The following CACNA1C variants were observed in gnomAD, a reference collection of about 807,000 sequenced individuals.
CACNA1C encodes the protein voltage-dependent L-type calcium channel subunit alpha-1C.
A neutral mutation model predicts 229.0 loss-of-function variants in CACNA1C; 30 were observed. The ratio of observed to expected loss-of-function variants is 0.13; its 90% CI spans 0.10 to 0.18. The LOEUF (loss-of-function observed/expected upper bound fraction) is 0.18. Ranked by LOEUF, CACNA1C falls within the 10% of genes least tolerant of loss-of-function variation. CACNA1C has a pLI of 1.00. For synonymous variants in CACNA1C, 1,114 were observed against 1,132.5 expected (o/e 0.98, Z 0.33); for missense variants, 1,658 against 2,845.0 (o/e 0.58, Z 9.49).
intron 3 of CACNA1C, among the ~76,000 whole-genome samples, chr12:2,196,104 A>G (rs1175798670): frequency 6.6e-6 from 1 of 152,224 alleles, no homozygotes; most frequent in Non-Finnish European, 1.5e-5. Context: ...CTTCTGCTTT[A>G]GAGATTATGA....
Position 2,182,703 on chromosome 12 carries a change from G to A in CACNA1C, c.477+62273G>A, listed in dbSNP as rs759624545. Among the ~76,000 whole-genome samples the A allele has an allele frequency of 2.0e-5, 3 of 152,162 alleles. No homozygotes were observed. In the East Asian group the frequency reaches 5.8e-4, roughly 29 times the overall value. The stretch of plus-strand genomic sequence containing the variant: ...GTGTGCTAGGGACTGTGTACTGCAA[G>A]GTGACTGGGATGTGCGCCTGAGCAT... On this transcript the variant is annotated intron_variant, in intron 3 of 46. Transcript: ENST00000399655.
chr12:2,188,491 A>AT (rs926158945), intron 3 of CACNA1C, among the ~76,000 whole-genome samples: 3 of 151,494 alleles, frequency 2.0e-5, no homozygotes, highest in Admixed American at 6.6e-5. Context: ...TGATTTTCAC[A>AT]TTTTTTTTCA....
At chr12:2,112,262 C>G (rs1196715909) in intron 1 of CACNA1C, among the ~76,000 whole-genome samples, 1 of 152,182 alleles carries the variant, frequency 6.6e-6, no homozygotes, top group Non-Finnish European at 1.5e-5. Context: ...TTCATTAATT[C>G]CAATGCACTC....
intron 12 of CACNA1C, among the ~76,000 whole-genome samples, chr12:2,567,198 G>T (rs572371188): frequency 1.3e-5 from 2 of 152,318 alleles, no homozygotes; most frequent in Middle Eastern, 3.4e-3. Flanking sequence ...GTCAGACTCA[G>T]ACAGTGCGGC....
chr12:2,173,012 T>G (rs1450750400), intron 3 of CACNA1C, among the ~76,000 whole-genome samples: 2 of 152,118 alleles, frequency 1.3e-5, no homozygotes, highest in Admixed American at 1.3e-4. Flanking sequence ...CTGGCGTCTG[T>G]CCAGGAGAGA....
At chr12:2,199,359 A>G (rs994627931) in intron 3 of CACNA1C, among the ~76,000 whole-genome samples, 1 of 151,948 alleles carries the variant, frequency 6.6e-6, no homozygotes, top group Non-Finnish European at 1.5e-5. Flanking sequence ...TCCTCAGTCT[A>G]CTCAATGTGA....
At chr12:2,050,088 A>G (rs924831444), upstream of CACNA1C, among the ~76,000 whole-genome samples, 4 of 152,172 alleles carry the variant, frequency 2.6e-5, no homozygotes, top group Admixed American at 1.3e-4. Context: ...CCCCTAACAC[A>G]CATACACTCT....
intron 3 of CACNA1C, among the ~76,000 whole-genome samples, chr12:2,187,283 C>G (rs1047958919): frequency 2.0e-5 from 3 of 152,140 alleles, no homozygotes; most frequent in Non-Finnish European, 2.9e-5. Context: ...AGGACCCAGT[C>G]GAGGCTCGGA....
intron 3 of CACNA1C, among the ~76,000 whole-genome samples, chr12:2,342,707 A>T (rs1403761557): frequency 6.6e-6 from 1 of 152,222 alleles, no homozygotes; most frequent in Non-Finnish European, 1.5e-5. Flanking sequence ...CCTCCAAGCC[A>T]TCATTTTGAA....
Position 2,214,469 on chromosome 12 carries a change from C to T in CACNA1C, c.477+94039C>T, listed in dbSNP as rs116355744. ...GTTCTTACTACGTGTGGTCATTATT[C>T]AGTCTTCACACTGATCTCGTGAACT... On this transcript the variant is annotated intron_variant, in intron 3 of 46. Transcript: ENST00000399655. Among the ~76,000 whole-genome samples the T allele has an allele frequency of 3.0e-3, 464 of 152,216 alleles. 2 individuals are homozygous for T. The highest frequency in any genetic ancestry group is 0.011 in the African/African-American group (453 of 41,506).
intron 3 of CACNA1C, among the ~76,000 whole-genome samples, chr12:2,433,051 A>G (rs1010117689): frequency 6.6e-6 from 1 of 152,194 alleles, no homozygotes; most frequent in African/African-American, 2.4e-5. Flanking sequence ...TGCTGGAATG[A>G]GGTTCCTGTT....
Position 2,633,343 on chromosome 12 carries a change from C to T in CACNA1C, c.3829-954C>T, listed in dbSNP as rs570378412. Among the ~76,000 whole-genome samples the T allele has an allele frequency of 2.5e-3, 385 of 152,272 alleles. 3 individuals are homozygous for T. The highest frequency in any genetic ancestry group is 8.9e-3 in the African/African-American group (369 of 41,554). On this transcript the variant is annotated intron_variant, in intron 29 of 46. Coordinates refer to ENST00000399655, the MANE Select transcript of CACNA1C (RefSeq NM_000719.7). The surrounding 1 kb of genome is among the most constrained non-coding windows in gnomAD (Gnocchi z 5.8). ...CACGCCCCCCACACCCACTCCTGCC[C>T]CTGGTGGGACGTGGACAGGGCCTCT...
chr12:2,081,579 A>T (rs866592800), intron 1 of CACNA1C, among the ~76,000 whole-genome samples: 2,923 of 152,318 alleles, frequency 0.019, 114 homozygotes, highest in Admixed American at 0.1. Flanking sequence ...TCAAAAAAAA[A>T]AAAAAGACAT....
chr12:2,583,865 G>A (rs757837293), intron 15 of CACNA1C, among the ~76,000 whole-genome samples: 1 of 152,152 alleles, frequency 6.6e-6, no homozygotes, highest in Non-Finnish European at 1.5e-5. Context: ...TGAATGTCTG[G>A]GTGCCTGGGG....
At chr12:2,139,327 A>G (rs1474013748) in intron 3 of CACNA1C, among the ~76,000 whole-genome samples, 1 of 151,142 alleles carries the variant, frequency 6.6e-6, no homozygotes, top group Non-Finnish European at 1.5e-5. Context: ...GACAGCAGTC[A>G]TTGGATTAGG....
chr12:2,110,410 G>A (rs1392650695), intron 1 of CACNA1C, among the ~76,000 whole-genome samples: 4 of 152,206 alleles, frequency 2.6e-5, no homozygotes, highest in Non-Finnish European at 5.9e-5. Flanking sequence ...GCCTTGTTCA[G>A]GGGTGGGAGC....
intron 3 of CACNA1C, among the ~76,000 whole-genome samples, chr12:2,200,500 CAAAG>C (rs2097550298): frequency 6.6e-6 from 1 of 152,160 alleles, no homozygotes; most frequent in Non-Finnish European, 1.5e-5. Context: ...AGCCCCACAA[CAAAG>C]AATCATCTGG....
chr12:2,511,482 C>T (rs1644721923), intron 8 of CACNA1C, among the ~76,000 whole-genome samples: 1 of 152,256 alleles, frequency 6.6e-6, no homozygotes, highest in African/African-American at 2.4e-5. Context: ...CAAGGTGCTT[C>T]CAGCAGCCTC....
chr12:2,153,774 T>C (rs1251234619), intron 3 of CACNA1C, among the ~76,000 whole-genome samples: 1 of 152,286 alleles, frequency 6.6e-6, no homozygotes, highest in East Asian at 1.9e-4. Context: ...TCCTGGGAGA[T>C]GGAGCAAATG....
Sources: gnomAD v4.1 joint callset for allele counts (sites outside exome capture counted in the v4.1 genomes callset) on GRCh38, gnomAD v4.1.1 for gene constraint, Gnocchi (gnomAD v3.1) non-coding constraint, MANE v1.5 for transcripts, NCBI Gene and HGNC (gene_info 2026-07-23, HGNC 2026-07-21) for gene names.